Variants in COLEC11 observed in about 807,000 individuals in gnomAD.
The protein encoded by COLEC11 is collectin subfamily member 11, also known as collectin-11.
COLEC11 carries 20 observed loss-of-function variants against 27.3 expected under a neutral mutation model. That is an observed-to-expected ratio of 0.73 (90% CI 0.51 to 1.06). The LOEUF is 1.06. COLEC11 is among the 50% of genes least tolerant of loss of function. The probability of loss-of-function intolerance (pLI) is 0.00; values close to 1 mark genes in which losing one functional copy is unlikely to be tolerated. For missense variants in COLEC11, 310 were observed against 383.0 expected (o/e 0.81, Z 1.59); for synonymous variants, 163 against 154.7 (o/e 1.05, Z -0.40).
intron 3 of COLEC11, among the ~76,000 whole-genome samples, chr2:3,614,243 T>G (rs1558497479): frequency 6.6e-6 from 1 of 152,158 alleles, no homozygotes; most frequent in Non-Finnish European, 1.5e-5. Flanking sequence ...CATTAAAGAT[T>G]GTCTCTAGAA....
intron 2 of COLEC11, among the ~76,000 whole-genome samples, chr2:3,611,451 G>C (rs926617369): frequency 6.6e-6 from 1 of 152,144 alleles, no homozygotes; most frequent in East Asian, 1.9e-4. Context: ...CCACTGTTCC[G>C]TCTTCTCTGT....
intron 3 of COLEC11, among the ~76,000 whole-genome samples, chr2:3,632,879 C>G (rs1363803375): frequency 1.4e-5 from 2 of 141,532 alleles, no homozygotes; most frequent in East Asian, 4.3e-4. Flanking sequence ...AGGAACGTCA[C>G]CTTCCCATGA....
At chr2:3,630,353 AAAATAC>A (rs1469651964) in intron 3 of COLEC11, among the ~76,000 whole-genome samples, 1 of 152,262 alleles carries the variant, frequency 6.6e-6, no homozygotes, top group Non-Finnish European at 1.5e-5. Flanking sequence ...TTAAAAAATA[AAAATAC>A]AAATATAAAC....
At chr2:3,613,805 G>A (rs943765157) in intron 3 of COLEC11, among the ~76,000 whole-genome samples, 2 of 152,156 alleles carry the variant, frequency 1.3e-5, no homozygotes, top group Admixed American at 6.5e-5. Context: ...CCTGCCTCGT[G>A]GGACTGTGCC....
Position 3,643,451 on chromosome 2 carries a change from A to G in COLEC11, c.336A>G (p.Pro112=). 3 of 1,613,456 alleles carry G rather than the reference A, an allele frequency of 1.9e-6. No individual in the cohort carries two copies. Among genetic ancestry groups the G allele is most frequent in the Non-Finnish European group, 1.7e-6 (2 of 1,179,788 alleles). The change falls in exon 6 of 7, where the codon CCA becomes CCG. Residue 112 remains proline, a synonymous_variant. Coordinates refer to ENST00000349077, the MANE Select transcript of COLEC11 (RefSeq NM_024027.5). ...TGGGCCTGGCCCCCGCAGGCCTCCC[A>G]TGTGAGTGCAGCCAGCTGCGCAAGG... ...PPGPNGEPGL[P]CECSQLRKAI... is the part of the protein sequence containing the mutation.
rs1429066494 is a variant in COLEC11 at position 3,644,064 on chromosome 2, G to A, written c.762G>A (p.Val254=). The A allele has an allele frequency of 6.2e-7, 1 of 1,613,622 alleles. No individual in the cohort carries two copies. The highest frequency in any genetic ancestry group is 1.7e-5 in the Admixed American group (1 of 60,038). ...EMVASGGWND[V]ACHTTMYFMC... Reference sequence around the variant, plus strand: ...TGGCCTCGGGCGGCTGGAACGACGTGGCCTGCCACACCACCATGTACTTCA... The same window carrying A: ...TGGCCTCGGGCGGCTGGAACGACGTAGCCTGCCACACCACCATGTACTTCA... Residue 254 remains valine (V), a synonymous_variant, in exon 7 of 7, where the codon GTG becomes GTA. Transcript: ENST00000349077.
chr2:3,622,813 T>C (rs749216039), intron 3 of COLEC11, among the ~76,000 whole-genome samples: 10 of 152,228 alleles, frequency 6.6e-5, no homozygotes, highest in Non-Finnish European at 1.5e-4. Flanking sequence ...TTCTTTTCTT[T>C]ATAAATTACC....
At chr2:3,625,778 G>A (rs368859733) in intron 3 of COLEC11, among the ~76,000 whole-genome samples, 5 of 151,678 alleles carry the variant, frequency 3.3e-5, no homozygotes, top group Admixed American at 2.0e-4. Flanking sequence ...GATTACAGGC[G>A]CCCACCACCA....
chr2:3,599,114 T>A (rs1160764358), intron 1 of COLEC11, among the ~76,000 whole-genome samples: 1 of 152,154 alleles, frequency 6.6e-6, no homozygotes, highest in Non-Finnish European at 1.5e-5. Context: ...CACACACTGG[T>A]TACGCAATGC....
intron 3 of COLEC11, among the ~76,000 whole-genome samples, chr2:3,615,935 G>A (rs1404223234): frequency 4.0e-4 from 38 of 94,834 alleles, no homozygotes; most frequent in African/African-American, 8.7e-4. Flanking sequence ...GGGGGCTGCC[G>A]GGTGGAGATG....
chr2:3,629,609 T>C (rs571999063), intron 3 of COLEC11, among the ~76,000 whole-genome samples: 1 of 152,226 alleles, frequency 6.6e-6, no homozygotes, highest in African/African-American at 2.4e-5. Context: ...TGTATGTGCA[T>C]ATGAGCATTT....
At chr2:3,601,214 G>A (rs1050462295) in intron 1 of COLEC11, among the ~76,000 whole-genome samples, 1 of 152,240 alleles carries the variant, frequency 6.6e-6, no homozygotes, top group Non-Finnish European at 1.5e-5. Context: ...CGTGGACAGG[G>A]TGGTGTGCGG....
intron 1 of COLEC11, chr2:3,603,952 G>A (rs1425689590): frequency 3.5e-6 from 2 of 568,382 alleles, no homozygotes; most frequent in East Asian, 2.9e-5. Context: ...CTCTGCAGAG[G>A]CTCCATGTCT....
At chr2:3,603,770 C>T (rs1046942157) in intron 1 of COLEC11, 2 of 1,093,944 alleles carry the variant, frequency 1.8e-6, no homozygotes, top group African/African-American at 1.6e-5. Flanking sequence ...GGCCGGGGCT[C>T]CTCTCTCCTT....
chr2:3,597,539 C>G (rs1661936289), intron 1 of COLEC11, among the ~76,000 whole-genome samples: 1 of 152,206 alleles, frequency 6.6e-6, no homozygotes, highest in African/African-American at 2.4e-5. Flanking sequence ...GGAGCCTGAT[C>G]TTTGTTGAAG....
intron 1 of COLEC11, among the ~76,000 whole-genome samples, chr2:3,595,745 T>C (rs757891072): frequency 6.6e-6 from 1 of 152,148 alleles, no homozygotes; most frequent in Non-Finnish European, 1.5e-5. Context: ...TCTCCAAAAT[T>C]GGAAAGGAGG....
intron 1 of COLEC11, chr2:3,603,633 A>T (rs995642638): frequency 4.5e-6 from 7 of 1,550,938 alleles, no homozygotes; most frequent in Non-Finnish European, 6.1e-6. Flanking sequence ...TCCAAGTTGT[A>T]ACGCCCTTCA....
In COLEC11 at chr2:3,613,371, C is replaced by T. The variant is rs142369741; in HGVS notation, c.191C>T (p.Thr64Met). ...GGACGGCCTGGAAGAGTCGGCCCCA[C>T]GGGAGAAAAAGGTACCTGCAGCCCT... The part of the protein sequence containing the change: ...APGRPGRVGP[T>M]GEKGDMGDKG... Residue 64 changes from threonine (T) to methionine (M), a missense_variant, in exon 3 of 7, where the codon ACG becomes ATG. Coordinates refer to ENST00000349077, the MANE Select transcript of COLEC11 (RefSeq NM_024027.5). 2.8e-4 allele frequency: 456 copies of T among 1,601,002 alleles called. 1 individual carries two copies. In the African/African-American group the frequency reaches 3.0e-3, roughly 11 times the overall value.
intron 3 of COLEC11, among the ~76,000 whole-genome samples, chr2:3,632,716 G>A (rs1665108891): frequency 1.3e-5 from 2 of 152,152 alleles, no homozygotes; most frequent in Non-Finnish European, 1.5e-5. Context: ...GTGTACGTGT[G>A]GATGTGGTTT....
Sources: gnomAD v4.1 joint callset for allele counts (sites outside exome capture counted in the v4.1 genomes callset) on GRCh38, gnomAD v4.1.1 for gene constraint, MANE v1.5 for transcripts, NCBI Gene and HGNC (gene_info 2026-07-23, HGNC 2026-07-21) for gene names.